The following MMEL1 variants were observed in gnomAD, a reference collection of about 807,000 sequenced individuals.
MMEL1 encodes membrane metalloendopeptidase like 1.
In MMEL1, 98 loss-of-function variants were observed where a neutral mutation model predicts 117.1. The observed-to-expected ratio is 0.84, with a 90% CI of 0.71 to 0.99. The LOEUF is 0.99. Ranked by LOEUF, MMEL1 falls within the 50% of genes least tolerant of loss-of-function variation. The pLI is 0.00. For synonymous variants in MMEL1, 390 were observed against 415.1 expected (o/e 0.94, Z 0.74); for missense variants, 1,014 against 1,049.1 (o/e 0.97, Z 0.46).
At chr1:2,628,539 G>A (rs1023405810) in intron 2 of MMEL1, among the ~76,000 whole-genome samples, 2 of 152,222 alleles carry the variant, frequency 1.3e-5, no homozygotes, top group Non-Finnish European at 2.9e-5. Flanking sequence ...ATTGCTCCCC[G>A]ATGTGTGCGC....
At chr1:2,606,465 G>T in intron 7 of MMEL1, 99 bp from the exon 8 acceptor site, 1 of 849,694 alleles carries the variant, frequency 1.2e-6, no homozygotes, top group Non-Finnish European at 1.9e-6. Context: ...GAACTAGGGG[G>T]CCATAGGGTG....
At chr1:2,628,172 C>T (rs373545816) in intron 2 of MMEL1, among the ~76,000 whole-genome samples, 7 of 152,336 alleles carry the variant, frequency 4.6e-5, no homozygotes, top group African/African-American at 1.7e-4. Flanking sequence ...TTTCCCTCCC[C>T]CACTGCCCAC....
In MMEL1 at chr1:2,592,731, G is replaced by C. The variant is rs780744207; in HGVS notation, c.2002-11C>G. 9.9e-6 allele frequency: 16 copies of C among 1,611,962 alleles called. No homozygotes were observed. Among genetic ancestry groups the C allele is most frequent in the Non-Finnish European group, 1.4e-5 (16 of 1,179,202 alleles). ...GTTGAATCCGTTCACCTGCGCACAGGAGACAGGATTGGGGCAGCCCCGGCC... is the reference window on the plus strand; with the variant it reads ...GTTGAATCCGTTCACCTGCGCACAGCAGACAGGATTGGGGCAGCCCCGGCC... On this transcript the variant is annotated splice_polypyrimidine_tract_variant and intron_variant, in intron 20 of 23. Transcript: ENST00000378412.
intron 17 of MMEL1, 149 bp from the exon 18 acceptor site, chr1:2,594,592 T>A: frequency 9.1e-7 from 1 of 1,104,548 alleles, no homozygotes; most frequent in Non-Finnish European, 1.3e-6. Flanking sequence ...CTGGGGTCCC[T>A]GAGGAGGAGG....
chr1:2,594,103 C>T (rs1218963208), intron 18 of MMEL1, 170 bp from the exon 19 acceptor site: 22 of 962,490 alleles, frequency 2.3e-5, no homozygotes, highest in South Asian at 1.9e-4. Flanking sequence ...AGAGGCTGGG[C>T]GGGCTCGTGC....
Position 2,609,382 on chromosome 1 carries a change from A to C in MMEL1, c.492T>G (p.Ala164=). ...LENSTAKDRP[A]VEKARTLYRS... ...GGTACAGCGTCCTGGCCTTCTCCACAGCCGGCCGGTCCTTGGCAGTCGAAT... is the reference window on the plus strand; with the variant it reads ...GGTACAGCGTCCTGGCCTTCTCCACCGCCGGCCGGTCCTTGGCAGTCGAAT... The change falls in exon 6 of 24, where the codon GCT becomes GCG. Residue 164 remains alanine (A), a synonymous_variant. Transcript: ENST00000378412. The C allele has an allele frequency of 2.5e-6, 4 of 1,612,134 alleles. No homozygotes were observed. Among genetic ancestry groups the C allele is most frequent in the Non-Finnish European group, 3.4e-6 (4 of 1,179,522 alleles).
At chr1:2,592,093 A>G (rs1175415697) in intron 21 of MMEL1, 66 bp from the exon 22 acceptor site, 1 of 1,317,294 alleles carries the variant, frequency 7.6e-7, no homozygotes, top group East Asian at 2.3e-5. Context: ...CTCAGATCTC[A>G]GGGCAGAGCA....
chr1:2,620,996 A>G (rs979723121), intron 2 of MMEL1, among the ~76,000 whole-genome samples: 9 of 152,188 alleles, frequency 5.9e-5, no homozygotes, highest in Non-Finnish European at 8.8e-5. Flanking sequence ...ACCTTAAAAC[A>G]GAGACATGCC....
intron 2 of MMEL1, among the ~76,000 whole-genome samples, chr1:2,629,021 G>A (rs1374066606): frequency 6.6e-6 from 1 of 151,934 alleles, no homozygotes. Context: ...CCCACCCTCC[G>A]GGAGTCCGGC....
Position 2,595,611 on chromosome 1 carries a change from GT to G in MMEL1, c.1501-253del, listed in dbSNP as rs981485558. 2.6e-5 allele frequency among the ~76,000 whole-genome samples: 4 copies of G among 152,160 alleles called. No homozygotes were observed. Among genetic ancestry groups the G allele is most frequent in the African/African-American group, 9.7e-5 (4 of 41,440 alleles). On this transcript the variant is annotated intron_variant, in intron 15 of 23. Coordinates refer to ENST00000378412, the MANE Select transcript of MMEL1 (RefSeq NM_033467.4). This position sits in a 1 kb window ranked among gnomAD's most constrained non-coding sequence, Gnocchi z 4.8. The stretch of plus-strand genomic sequence containing the variant: ...CCTAGAGCCCAACAGCCCGCCAGGG[GT>G]CCGGGTGGGGGCAGGGGCCCTGGAG...
At chr1:2,617,921 T>C (rs1645230426) in intron 2 of MMEL1, among the ~76,000 whole-genome samples, 1 of 152,262 alleles carries the variant, frequency 6.6e-6, no homozygotes. Flanking sequence ...GAATACTCAG[T>C]TGACACAGGA....
At position 2,604,276 on chromosome 1, in the gene MMEL1, C is replaced by T. The variant is rs1461695478; in HGVS notation, c.822G>A (p.Arg274=). The T allele has an allele frequency of 3.1e-6, 5 of 1,612,586 alleles. No homozygotes were observed. The highest frequency in any genetic ancestry group is 4.2e-6 in the Non-Finnish European group (5 of 1,179,900). ...YFNGGSNRKV[R]EAYLQFMVSV... ...ACACCATGAACTGCAGGTAGGCTTC[C>T]CGCACCTGGGCCAAAGGACGCCGGG... Residue 274 remains arginine, a synonymous_variant, in exon 10 of 24, where the codon CGG becomes CGA. Transcript: ENST00000378412.
intron 8 of MMEL1, 68 bp from the exon 9 acceptor site, chr1:2,605,691 T>A: frequency 8.4e-7 from 1 of 1,196,738 alleles, no homozygotes; most frequent in Middle Eastern, 2.0e-4. Flanking sequence ...TGAGGCAGGC[T>A]GCAGCCGCCT....
At chr1:2,593,411 G>A (rs1003328463) in intron 19 of MMEL1, among the ~76,000 whole-genome samples, 1 of 152,248 alleles carries the variant, frequency 6.6e-6, no homozygotes, top group Non-Finnish European at 1.5e-5. Flanking sequence ...CCACCGAGGG[G>A]CGGAGGTCAG....
intron 23 of MMEL1, 133 bp downstream of exon 23, chr1:2,591,424 C>T (rs1352136707): frequency 8.0e-6 from 6 of 749,320 alleles, no homozygotes; most frequent in Middle Eastern, 2.5e-4. Context: ...GGCCAGAAGC[C>T]CCTCTCAGGT....
chr1:2,615,779 A>C (rs1645191464), intron 2 of MMEL1, among the ~76,000 whole-genome samples: 1 of 152,216 alleles, frequency 6.6e-6, no homozygotes, highest in Admixed American at 6.5e-5. Context: ...TACGGAAGGA[A>C]ACCTGAACAG....
intron 6 of MMEL1, among the ~76,000 whole-genome samples, chr1:2,608,546 T>C (rs79248435): frequency 7.1e-5 from 4 of 56,178 alleles, no homozygotes; most frequent in South Asian, 8.3e-4. Flanking sequence ...CACATACACA[T>C]ACACACATAT....
In MMEL1 at chr1:2,595,552, T is replaced by C. The variant is rs537427954; in HGVS notation, c.1501-193A>G. Among the ~76,000 whole-genome samples the C allele has an allele frequency of 4.9e-4, 74 of 152,116 alleles. No individual in the cohort carries two copies. Among genetic ancestry groups the C allele is most frequent in the Non-Finnish European group, 8.4e-4 (57 of 67,956 alleles). ...CCTTGCAGGCTCTGGGGAGGTTTAA[T>C]GGGGACAGAATATGGAAGGCTCCGC... On this transcript the variant is annotated intron_variant, in intron 15 of 23. Transcript: ENST00000378412. The surrounding 1 kb of genome is among the most constrained non-coding windows in gnomAD (Gnocchi z 4.8).
At chr1:2,604,126 C>G in intron 10 of MMEL1, 21 bp downstream of exon 10, 1 of 1,414,754 alleles carries the variant, frequency 7.1e-7, no homozygotes, top group Non-Finnish European at 9.9e-7. Context: ...GCCCGCTCCC[C>G]ACCCGCCCCG....
Sources: gnomAD v4.1 joint callset for allele counts (sites outside exome capture counted in the v4.1 genomes callset) on GRCh38, gnomAD v4.1.1 for gene constraint, Gnocchi (gnomAD v3.1) non-coding constraint, MANE v1.5 for transcripts, NCBI Gene and HGNC (gene_info 2026-07-23, HGNC 2026-07-21) for gene names.